The following CCDC201 variants were observed in gnomAD, a reference collection of about 807,000 sequenced individuals.
The protein encoded by CCDC201 is coiled-coil domain-containing protein 201.
exon 3 of CCDC201, chr7:45,862,850 C>A (rs1583651338): frequency 6.6e-6 from 1 of 152,352 alleles, no homozygotes; most frequent in Non-Finnish European, 1.5e-5. Flanking sequence ...ACACACCATG[C>A]AGAGCCTTGT....
At chr7:45,884,019 C>CTTTCTTTCTTTTTCTT in the CCDC201 span, among the ~76,000 whole-genome samples, 12 of 55,262 alleles carry the variant, frequency 2.2e-4, no homozygotes, top group East Asian at 0.012. Context: ...TTTTCTTTCT[C>CTTTCTTTCTTTTTCTT]TCTCTTTCTT....
chr7:45,873,353 T>C (rs925057086), upstream of CCDC201, among the ~76,000 whole-genome samples: 1 of 129,268 alleles, frequency 7.7e-6, no homozygotes, highest in Non-Finnish European at 1.6e-5. Flanking sequence ...GAAAGGAGAT[T>C]ACCACCCCAA....
upstream of CCDC201, among the ~76,000 whole-genome samples, chr7:45,874,619 C>G (rs550580776): frequency 2.0e-5 from 3 of 152,242 alleles, no homozygotes; most frequent in Non-Finnish European, 4.4e-5. Context: ...TTTCAGAACA[C>G]TCAGTGGCAA....
chr7:45,884,430 T>A, the CCDC201 span, among the ~76,000 whole-genome samples: 1 of 152,178 alleles, frequency 6.6e-6, no homozygotes, highest in Non-Finnish European at 1.5e-5. Context: ...TCCACTCTCT[T>A]AGCCTGCTTA....
At chr7:45,865,893 A>G (rs977561645) in intron 2 of CCDC201, 143 bp downstream of exon 2, 11 of 152,628 alleles carry the variant, frequency 7.2e-5, no homozygotes, top group African/African-American at 2.7e-4. Flanking sequence ...TTGGCCCCCA[A>G]TGCCACGCCA....
chr7:45,865,605 C>T (rs904593518), intron 2 of CCDC201, among the ~76,000 whole-genome samples: 1 of 152,180 alleles, frequency 6.6e-6, no homozygotes, highest in African/African-American at 2.4e-5. Context: ...ATCAGACCTT[C>T]CCTGTCACCC....
exon 2 of CCDC201, chr7:45,866,138 T>TTGCTGCTGCTGCTGC: frequency 5.0e-6 from 1 of 200,664 alleles, no homozygotes; most frequent in South Asian, 8.0e-5. Flanking sequence ...GGAGGGACTC[T>TTGCTGCTGCTGCTGC]TGCTGCTGCT....
intron 1 of CCDC201, among the ~76,000 whole-genome samples, chr7:45,867,250 A>C (rs897047897): frequency 6.6e-6 from 1 of 152,222 alleles, no homozygotes; most frequent in African/African-American, 2.4e-5. Flanking sequence ...AGACACACAC[A>C]TGCGTGCTCC....
At chr7:45,871,944 ATCT>A (rs1474769401) in intron 1 of CCDC201, among the ~76,000 whole-genome samples, 9 of 152,186 alleles carry the variant, frequency 5.9e-5, no homozygotes, top group African/African-American at 1.9e-4. Flanking sequence ...AAACTGGAAC[ATCT>A]TCTATGGAAG....
At chr7:45,866,470 C>T (rs574681108) in exon 2 of CCDC201, 2 of 152,360 alleles carry the variant, frequency 1.3e-5, no homozygotes, top group African/African-American at 4.8e-5. Context: ...GGGCTCTCAT[C>T]CTCAGAGGAG....
At chr7:45,875,723 C>T (rs892463121), upstream of CCDC201, among the ~76,000 whole-genome samples, 2 of 152,152 alleles carry the variant, frequency 1.3e-5, no homozygotes, top group Non-Finnish European at 2.9e-5. Context: ...AGTGAAGCAG[C>T]GGGGGCTGCT....
chr7:45,863,496 G>A (rs370474735), intron 2 of CCDC201, among the ~76,000 whole-genome samples: 3 of 152,162 alleles, frequency 2.0e-5, no homozygotes, highest in African/African-American at 4.8e-5. Context: ...TGGAGTAGAC[G>A]AGCCTGCGTG....
chr7:45,865,844 T>A (rs911652172), intron 2 of CCDC201, among the ~76,000 whole-genome samples, 192 bp downstream of exon 2: 3 of 152,280 alleles, frequency 2.0e-5, no homozygotes, highest in African/African-American at 7.2e-5. Context: ...ACAGCCTTGA[T>A]CCTGTCCCAT....
At chr7:45,863,499 C>A (rs1330343730) in intron 2 of CCDC201, among the ~76,000 whole-genome samples, 1 of 152,140 alleles carries the variant, frequency 6.6e-6, no homozygotes, top group East Asian at 1.9e-4. Flanking sequence ...AGTAGACGAG[C>A]CTGCGTGGGA....
At chr7:45,878,175 G>T in the CCDC201 span, among the ~76,000 whole-genome samples, 1 of 152,232 alleles carries the variant, frequency 6.6e-6, no homozygotes, top group Admixed American at 6.5e-5. Context: ...TGGGACTGCA[G>T]GGTTCAGCCC....
exon 3 of CCDC201, chr7:45,861,868 C>A (rs760775713): frequency 6.6e-6 from 1 of 152,194 alleles, no homozygotes; most frequent in Non-Finnish European, 1.5e-5. Flanking sequence ...AGAAAGCAAG[C>A]TTTTTAGAGT....
intron 1 of CCDC201, among the ~76,000 whole-genome samples, chr7:45,871,431 G>T (rs1786742005): frequency 1.3e-5 from 2 of 151,814 alleles, no homozygotes; most frequent in Admixed American, 6.6e-5. Context: ...ATATCACATT[G>T]TTCACCAAGA....
At chr7:45,873,200 C>T (rs1263623311), upstream of CCDC201, 1 of 152,266 alleles carries the variant, frequency 6.6e-6, no homozygotes, top group Admixed American at 6.5e-5. Flanking sequence ...CCCTCTAGGT[C>T]TTCCCCTTGT....
At chr7:45,880,990 C>T in the CCDC201 span, among the ~76,000 whole-genome samples, 1 of 152,180 alleles carries the variant, frequency 6.6e-6, no homozygotes, top group Non-Finnish European at 1.5e-5. Context: ...CGGGGCCAAA[C>T]TGGTATGGGA....
Sources: allele counts gnomAD v4.1 joint callset (sites outside exome capture counted in the v4.1 genomes callset), GRCh38; gene constraint gnomAD v4.1.1; transcripts MANE v1.5; gene names NCBI Gene and HGNC (gene_info 2026-07-23, HGNC 2026-07-21).